Variants in EIF3L observed in about 807,000 individuals in gnomAD.
EIF3L encodes eukaryotic translation initiation factor 3 subunit L.
Under a neutral mutation model 74.6 loss-of-function variants are expected in EIF3L, and 32 were observed. The ratio of observed to expected loss-of-function variants is 0.43; its 90% CI spans 0.32 to 0.58. The LOEUF (loss-of-function observed/expected upper bound fraction) is 0.58. EIF3L is among the 20% of genes least tolerant of loss of function. EIF3L has a pLI of 0.06. For missense variants in EIF3L, 474 were observed against 707.8 expected (o/e 0.67, Z 3.75); for synonymous variants, 256 against 254.4 (o/e 1.01, Z -0.06).
intron 11 of EIF3L, chr22:37,886,501 G>A (rs1472613853): frequency 1.6e-5 from 3 of 187,540 alleles, no homozygotes; most frequent in South Asian, 8.0e-5. Flanking sequence ...CCCTGGAGGC[G>A]GAGGTTGCAG....
At chr22:37,856,192 T>C (rs1030283286) in intron 4 of EIF3L, among the ~76,000 whole-genome samples, 4 of 151,986 alleles carry the variant, frequency 2.6e-5, no homozygotes, top group East Asian at 3.9e-4. Flanking sequence ...TTCTCCTACC[T>C]CAGCCTCCCG....
chr22:37,855,512 T>C (rs1925453591), intron 3 of EIF3L, 53 bp from the exon 4 acceptor site: 9 of 1,501,782 alleles, frequency 6.0e-6, no homozygotes, highest in South Asian at 1.1e-5. Context: ...AATGTTAGGA[T>C]TGGCATTCTC....
At chr22:37,851,827 A>C (rs764287530) in intron 3 of EIF3L, among the ~76,000 whole-genome samples, 2 of 151,936 alleles carry the variant, frequency 1.3e-5, no homozygotes, top group Non-Finnish European at 2.9e-5. Context: ...CACCATGCCT[A>C]GTTAATTTTT....
rs755031262 is a variant in EIF3L, at chr22:37,877,733, C to T, written c.1137C>T (p.Pro379=). The T allele has an allele frequency of 3.1e-6, 5 of 1,613,636 alleles. No homozygotes were observed. The highest frequency in any genetic ancestry group is 3.4e-6 in the Non-Finnish European group (4 of 1,179,740). ...TGGCCATTGCCCTCACGATGTACCC[C>T]ATGCGTATTGATGAGAGCATTCACC... ...ALLAIALTMY[P]MRIDESIHLQ... is the part of the protein sequence containing the mutation. Residue 379 remains proline (P), a synonymous_variant, in exon 11 of 13, where the codon CCC becomes CCT. Transcript: ENST00000652021.
chr22:37,874,256 G>C (rs912720268), intron 8 of EIF3L, 114 bp from the exon 9 acceptor site: 2 of 1,115,912 alleles, frequency 1.8e-6, no homozygotes, highest in Non-Finnish European at 2.5e-6. Flanking sequence ...CAGTTGTTGA[G>C]GGAAGCTTTC....
Position 37,886,806 on chromosome 22 carries a change from T to C in EIF3L, c.1617T>C (p.Tyr539=), listed in dbSNP as rs375291218. The C allele has an allele frequency of 2.0e-5, 33 of 1,611,372 alleles. No homozygotes were observed. Among genetic ancestry groups the C allele is most frequent in the Middle Eastern group, 1.7e-4 (1 of 6,060 alleles). Residue 539 remains tyrosine, a synonymous_variant, in exon 12 of 13, where the codon TAT becomes TAC. Coordinates refer to ENST00000652021, the MANE Select transcript of EIF3L (RefSeq NM_016091.4). ...CGGACACCAAGGTCGCCAGGCGTTA[T>C]GGGGATTTCTTCATCCGTCAGATCC... ...HIADTKVARR[Y]GDFFIRQIHK...
chr22:37,868,718 C>G (rs1351443222), intron 7 of EIF3L, among the ~76,000 whole-genome samples: 2 of 135,636 alleles, frequency 1.5e-5, no homozygotes, highest in East Asian at 5.2e-4. Flanking sequence ...TCTTGGCTCA[C>G]CGCAACCTCT....
At chr22:37,853,768 A>T (rs1262872458) in intron 3 of EIF3L, among the ~76,000 whole-genome samples, 1 of 152,144 alleles carries the variant, frequency 6.6e-6, no homozygotes, top group Non-Finnish European at 1.5e-5. Flanking sequence ...CTTTATACTT[A>T]AAGTTTCCTA....
chr22:37,849,474 G>C lies in EIF3L; in HGVS notation c.25G>C (p.Glu9Gln), dbSNP rs992209191. The change falls in exon 1 of 13, where the codon GAG becomes CAG. Residue 9 changes from glutamate (E) to glutamine (Q), a missense_variant. Glu to Gln is a conservative substitution (Grantham distance 29). Around this residue, in one of 4 missense-constraint regions of EIF3L, gnomAD observed 39 missense variants for 24.2 expected, o/e 1.61. Transcript: ENST00000652021. Reference protein sequence around the residue: MSYPADDYESEAAYDPYAY... With the variant: MSYPADDYQSEAAYDPYAY... ...CATGTCTTATCCCGCTGATGATTAT[G>C]AGTCTGAGGTAAGGTGGCCGTAAGG... The C allele has an allele frequency of 6.2e-7, 1 of 1,609,792 alleles. No individual in the cohort carries two copies. The highest frequency in any genetic ancestry group is 8.5e-7 in the Non-Finnish European group (1 of 1,177,334).
chr22:37,875,167 G>A lies in EIF3L; in HGVS notation c.906+643G>A, dbSNP rs539002740. Among the ~76,000 whole-genome samples, 25 of 150,072 alleles carry A rather than the reference G, an allele frequency of 1.7e-4. 1 individual carries two copies. The highest frequency in any genetic ancestry group is 6.4e-4 in the South Asian group (3 of 4,676). ...GTGGATTACTTGAGGTCAGGAGTTC[G>A]AGACCAGCCTGGCCAACATGGTGAA... On this transcript the variant is annotated intron_variant, in intron 9 of 12. Transcript: ENST00000652021.
chr22:37,877,492 A>T, intron 10 of EIF3L, 182 bp from the exon 11 acceptor site: 2 of 667,136 alleles, frequency 3.0e-6, no homozygotes, highest in Non-Finnish European at 4.9e-6. Context: ...ATCTGGAGCT[A>T]GGATGGAAGT....
In EIF3L at chr22:37,875,022, C is replaced by T. The variant is rs184276179; in HGVS notation, c.906+498C>T. Among the ~76,000 whole-genome samples the T allele has an allele frequency of 7.7e-3, 1,152 of 149,810 alleles. 12 individuals carry two copies. Among genetic ancestry groups the T allele is most frequent in the African/African-American group, 0.023 (938 of 40,886 alleles). ...CCTCCCAAAATGCTGGGATTACAGG[C>T]GTGAGCCACCATGCCTGGCCCATGG... On this transcript the variant is annotated intron_variant, in intron 9 of 12. Transcript: ENST00000652021.
rs747157252 is a variant in EIF3L at position 37,875,828 on chromosome 22, C to T, written c.907-13C>T. The T allele has an allele frequency of 2.5e-6, 4 of 1,607,458 alleles. No individual in the cohort carries two copies. In the South Asian group the frequency reaches 3.3e-5, roughly 13 times the overall value. On this transcript the variant is annotated splice_polypyrimidine_tract_variant and intron_variant, in intron 9 of 12. Transcript: ENST00000652021. The stretch of plus-strand genomic sequence containing the variant: ...TTGGGACTCATGAATGTTTGTTCTA[C>T]CTCCTTCTACAGAGTATGTATTCCC...
chr22:37,872,717 C>T (rs190644504), intron 8 of EIF3L, among the ~76,000 whole-genome samples: 89 of 152,198 alleles, frequency 5.8e-4, no homozygotes, highest in Non-Finnish European at 9.3e-4. Context: ...CTGCTGGGCT[C>T]AAGTGATCCT....
intron 3 of EIF3L, among the ~76,000 whole-genome samples, chr22:37,852,500 T>G (rs529432524): frequency 6.6e-6 from 1 of 152,314 alleles, no homozygotes; most frequent in Admixed American, 6.5e-5. Flanking sequence ...CAGTCAAAGC[T>G]GGGATAGTCA....
intron 5 of EIF3L, among the ~76,000 whole-genome samples, chr22:37,859,316 T>C (rs920291196): frequency 2.0e-5 from 3 of 151,088 alleles, no homozygotes; most frequent in African/African-American, 7.3e-5. Context: ...ATCCCAACTT[T>C]GAGCACTTGC....
At chr22:37,872,951 C>T (rs573681887) in intron 8 of EIF3L, among the ~76,000 whole-genome samples, 4 of 152,216 alleles carry the variant, frequency 2.6e-5, no homozygotes, top group Non-Finnish European at 5.9e-5. Flanking sequence ...AGGTTTACTT[C>T]ATTTTTGTGA....
chr22:37,851,326 A>T lies in EIF3L; in HGVS notation c.129A>T (p.Gln43His), dbSNP rs780707552. 1.2e-6 allele frequency: 2 copies of T among 1,614,096 alleles called. No individual in the cohort carries two copies. The highest frequency in any genetic ancestry group is 2.7e-5 in the African/African-American group (2 of 74,936). ...CTTATGAACGTCAGTATGAACAGCA[A>T]ACCTATCAGGTGATCCCTGAGGTGA... The part of the protein sequence containing the change: ...DLAYERQYEQ[Q>H]TYQVIPEVIK... The change falls in exon 3 of 13, where the codon CAA (glutamine) becomes CAT (histidine). Residue 43 changes from glutamine (Q) to histidine (H), a missense_variant. Gln to His is a conservative substitution (Grantham distance 24). Transcript: ENST00000652021.
In EIF3L at chr22:37,857,369, C is replaced by CAAAA. The variant is rs375301957; in HGVS notation, c.374-1290_374-1287dup. On this transcript the variant is annotated intron_variant, in intron 4 of 12. Coordinates refer to ENST00000652021, the MANE Select transcript of EIF3L (RefSeq NM_016091.4). ...TGGGCGACAGAGCAAGACTGCGTCC[C>CAAAA]AAAAAAAAAAAAAAAAAAAAAAACC... Among the ~76,000 whole-genome samples the CAAAA allele has an allele frequency of 1.2e-4, 7 of 58,240 alleles. No homozygotes were observed. The East Asian group carries it at 1.8e-3, about 15-fold the overall frequency. 38.2% of individuals were successfully genotyped at this position (58,240 alleles called of 152,430 possible).
Sources: gnomAD v4.1 joint callset for allele counts (sites outside exome capture counted in the v4.1 genomes callset) on GRCh38, gnomAD v4.1.1 for gene constraint, gnomAD v4.1.1 regional missense constraint, MANE v1.5 for transcripts, NCBI Gene and HGNC (gene_info 2026-07-23, HGNC 2026-07-21) for gene names.